Variants in GABRG3 observed in about 807,000 individuals in gnomAD.
GABRG3 encodes gamma-aminobutyric acid type A receptor subunit gamma3, also known as gamma-aminobutyric acid receptor subunit gamma-3.
In GABRG3, 25 loss-of-function variants were observed where a neutral mutation model predicts 48.8. The ratio of observed to expected loss-of-function variants is 0.51; its 90% CI spans 0.37 to 0.72. GABRG3 has a LOEUF of 0.72. Among genes scored for constraint, GABRG3 ranks in the 30% least tolerant of loss-of-function variants. The probability of loss-of-function intolerance (pLI) is 0.00; values close to 1 mark genes in which losing one functional copy is unlikely to be tolerated. For synonymous variants in GABRG3, 227 were observed against 217.6 expected (o/e 1.04, Z -0.38); for missense variants, 394 against 577.9 (o/e 0.68, Z 3.26).
intron 5 of GABRG3, among the ~76,000 whole-genome samples, chr15:27,353,646 G>GT (rs2140539371): frequency 1.3e-5 from 2 of 152,036 alleles, no homozygotes; most frequent in African/African-American, 4.8e-5. Flanking sequence ...GTTTTGCCGT[G>GT]TTGGCCAGGC....
At chr15:27,350,055 A>G (rs1161754713) in intron 5 of GABRG3, 2 of 454,962 alleles carry the variant, frequency 4.4e-6, no homozygotes, top group African/African-American at 4.0e-5. Context: ...TTTCCCCTTT[A>G]TACACACAAA....
intron 3 of GABRG3, among the ~76,000 whole-genome samples, chr15:27,060,396 T>C (rs970716582): frequency 6.6e-6 from 1 of 152,326 alleles, no homozygotes; most frequent in South Asian, 2.1e-4. Context: ...CAGAAACTGC[T>C]CTGGGAAACT....
At chr15:27,308,127 T>A (rs1483043634) in intron 3 of GABRG3, among the ~76,000 whole-genome samples, 1 of 126,870 alleles carries the variant, frequency 7.9e-6, no homozygotes, top group Non-Finnish European at 1.7e-5. Context: ...CAAACATATA[T>A]AAACATATAT....
chr15:27,126,745 C>T (rs772675228), intron 3 of GABRG3, among the ~76,000 whole-genome samples: 4 of 152,202 alleles, frequency 2.6e-5, no homozygotes, highest in East Asian at 1.9e-4. Context: ...CTTGCAGCAC[C>T]GCCTTTTGCC....
chr15:27,451,456 T>A (rs903782368), intron 5 of GABRG3, among the ~76,000 whole-genome samples: 10 of 152,150 alleles, frequency 6.6e-5, no homozygotes, highest in African/African-American at 2.4e-4. Context: ...GTCTCTTCAA[T>A]AAACGATGTT....
At chr15:27,436,286 C>A (rs1888607323) in intron 5 of GABRG3, among the ~76,000 whole-genome samples, 1 of 152,116 alleles carries the variant, frequency 6.6e-6, no homozygotes, top group Admixed American at 6.5e-5. Context: ...GGGCACTAAT[C>A]CCACTTGTGG....
chr15:27,307,035 TAAA>T (rs1476913789), intron 3 of GABRG3, among the ~76,000 whole-genome samples: 1,057 of 85,676 alleles, frequency 0.012, 8 homozygotes, highest in Non-Finnish European at 0.017. Flanking sequence ...TAAACATGTA[TAAA>T]ATAAACATGT....
Position 27,415,579 on chromosome 15 carries a change from C to T in GABRG3, c.575-65071C>T, listed in dbSNP as rs550985961. Among the ~76,000 whole-genome samples, 20 of 152,136 alleles carry T rather than the reference C, an allele frequency of 1.3e-4. No individual in the cohort carries two copies. In the South Asian group the frequency reaches 3.7e-3, roughly 28 times the overall value. On this transcript the variant is annotated intron_variant, in intron 5 of 9. Transcript: ENST00000615808. ...GTGTACACTGCTCAGGTGATGAATG[C>T]GCCACCATCTCAGAAATGCCCACTA... is the stretch of plus-strand genomic sequence containing the variant.
intron 2 of GABRG3, among the ~76,000 whole-genome samples, chr15:27,008,660 C>G (rs909787091): frequency 6.6e-6 from 1 of 151,962 alleles, no homozygotes; most frequent in Non-Finnish European, 1.5e-5. Flanking sequence ...CATTCTCCCC[C>G]CACCACTCCC....
intron 5 of GABRG3, among the ~76,000 whole-genome samples, chr15:27,390,733 T>C (rs1029643699): frequency 3.9e-5 from 6 of 152,158 alleles, no homozygotes; most frequent in Admixed American, 6.5e-5. Flanking sequence ...ATCAGGGCTT[T>C]AGGGTCTGTG....
intron 5 of GABRG3, among the ~76,000 whole-genome samples, chr15:27,383,939 G>A (rs1895851449): frequency 6.6e-6 from 1 of 152,166 alleles, no homozygotes; most frequent in Non-Finnish European, 1.5e-5. Flanking sequence ...TGGAATGTTG[G>A]TGGAGGCCAA....
chr15:27,345,868 A>G (rs1348236522), intron 5 of GABRG3, among the ~76,000 whole-genome samples: 3 of 152,078 alleles, frequency 2.0e-5, no homozygotes, highest in Non-Finnish European at 2.9e-5. Flanking sequence ...AGCCTGGCCA[A>G]TGTGGTGAAA....
intron 5 of GABRG3, among the ~76,000 whole-genome samples, chr15:27,406,944 T>C (rs1207232783): frequency 6.6e-6 from 1 of 152,138 alleles, no homozygotes; most frequent in Admixed American, 6.6e-5. Context: ...TGTTGTTGTT[T>C]TGAGACAGAG....
At chr15:27,490,823 A>G (rs1206305361) in intron 6 of GABRG3, among the ~76,000 whole-genome samples, 1 of 152,190 alleles carries the variant, frequency 6.6e-6, no homozygotes, top group East Asian at 1.9e-4. Context: ...TCATTTGCTA[A>G]ACAACTGACA....
intron 2 of GABRG3, among the ~76,000 whole-genome samples, chr15:27,014,939 G>T (rs1895750849): frequency 6.6e-6 from 1 of 152,080 alleles, no homozygotes; most frequent in Admixed American, 6.5e-5. Context: ...TTATAAAATT[G>T]GGAACTCTAA....
chr15:27,441,191 A>G (rs1888773591), intron 5 of GABRG3, among the ~76,000 whole-genome samples: 1 of 152,212 alleles, frequency 6.6e-6, no homozygotes, highest in African/African-American at 2.4e-5. Flanking sequence ...ATGACTTCTG[A>G]AATATTGCTG....
intron 3 of GABRG3, among the ~76,000 whole-genome samples, chr15:27,272,659 C>T (rs1401647128): frequency 6.6e-6 from 1 of 152,150 alleles, no homozygotes; most frequent in African/African-American, 2.4e-5. Flanking sequence ...CCATTCCAGC[C>T]ACCTCTGAAG....
intron 3 of GABRG3, among the ~76,000 whole-genome samples, chr15:27,215,084 T>C (rs1889203802): frequency 6.6e-6 from 1 of 152,246 alleles, no homozygotes; most frequent in African/African-American, 2.4e-5. Flanking sequence ...TCTTTTGTCC[T>C]AGATAAGTCT....
At chr15:27,087,157 C>T (rs987134440) in intron 3 of GABRG3, among the ~76,000 whole-genome samples, 1 of 152,202 alleles carries the variant, frequency 6.6e-6, no homozygotes, top group Admixed American at 6.5e-5. Context: ...TCTTCAGCAG[C>T]GAGGGAGTTT....
Sources: allele counts gnomAD v4.1 joint callset (sites outside exome capture counted in the v4.1 genomes callset), GRCh38; gene constraint gnomAD v4.1.1; transcripts MANE v1.5; gene names NCBI Gene and HGNC (gene_info 2026-07-23, HGNC 2026-07-21).